The following KIAA1217 variants were observed in gnomAD, a reference collection of about 807,000 sequenced individuals.
KIAA1217 encodes the protein sickle tail protein homolog.
In KIAA1217, 88 loss-of-function variants were observed where a neutral mutation model predicts 163.9. The observed-to-expected ratio is 0.54, with a 90% confidence interval of 0.45 to 0.64. The LOEUF is 0.64. KIAA1217 is among the 30% of genes least tolerant of loss of function. The pLI is 0.00. For missense variants in KIAA1217, 2,372 were observed against 2,475.0 expected (o/e 0.96, Z 0.88); for synonymous variants, 903 against 923.1 (o/e 0.98, Z 0.39).
intron 2 of KIAA1217, among the ~76,000 whole-genome samples, chr10:24,320,435 G>A (rs16924575): frequency 0.03 from 4,551 of 152,230 alleles, 229 homozygotes; most frequent in African/African-American, 0.1. Context: ...TGACTCAAAA[G>A]CATAAAGTTC....
chr10:24,479,940 GC>G (rs999841661), intron 6 of KIAA1217, among the ~76,000 whole-genome samples: 12 of 152,164 alleles, frequency 7.9e-5, no homozygotes, highest in African/African-American at 2.9e-4. Flanking sequence ...TGAGGGATCT[GC>G]CCCCATAACC....
chr10:24,022,926 G>GA (rs5783873), intron 2 of KIAA1217, among the ~76,000 whole-genome samples: 3,985 of 141,502 alleles, frequency 0.028, 113 homozygotes, highest in African/African-American at 0.072. Flanking sequence ...TACTTGATCT[G>GA]AAAAAAAAAA....
chr10:23,848,031 G>A (rs1194040655), intron 1 of KIAA1217, among the ~76,000 whole-genome samples: 1 of 152,146 alleles, frequency 6.6e-6, no homozygotes, highest in Non-Finnish European at 1.5e-5. Flanking sequence ...GCAGTTTTGA[G>A]TGAGTTTCTT....
At chr10:23,915,032 G>A (rs1842581400) in intron 1 of KIAA1217, among the ~76,000 whole-genome samples, 1 of 151,902 alleles carries the variant, frequency 6.6e-6, no homozygotes, top group African/African-American at 2.4e-5. Context: ...GACCCGACCT[G>A]TGACAGAAGA....
At chr10:24,222,504 T>A (rs997881566) in intron 2 of KIAA1217, among the ~76,000 whole-genome samples, 3 of 152,204 alleles carry the variant, frequency 2.0e-5, no homozygotes, top group Non-Finnish European at 4.4e-5. Context: ...GTTTTTGTTT[T>A]TGTTTTTTGA....
chr10:23,916,968 CAAAA>C (rs72049753), intron 1 of KIAA1217, among the ~76,000 whole-genome samples: 2 of 80,060 alleles, frequency 2.5e-5, no homozygotes, highest in Non-Finnish European at 2.6e-5. Flanking sequence ...GAGATTCTCT[CAAAA>C]AAAAAAAAAA....
chr10:24,313,146 G>C (rs1445952976), intron 2 of KIAA1217, among the ~76,000 whole-genome samples: 2 of 152,246 alleles, frequency 1.3e-5, no homozygotes, highest in African/African-American at 4.8e-5. Context: ...TCCTCACCGC[G>C]ATCTCTTCCA....
At chr10:24,497,245 C>G (rs1213504366) in intron 8 of KIAA1217, among the ~76,000 whole-genome samples, 1 of 152,154 alleles carries the variant, frequency 6.6e-6, no homozygotes, top group Non-Finnish European at 1.5e-5. Flanking sequence ...GACTTCCTGG[C>G]TACTTATGGA....
chr10:24,518,542 A>G (rs561831519), intron 10 of KIAA1217, among the ~76,000 whole-genome samples: 64 of 152,342 alleles, frequency 4.2e-4, no homozygotes, highest in African/African-American at 1.5e-3. Flanking sequence ...ACGCACTGAC[A>G]GACATGTTGG....
intron 5 of KIAA1217, among the ~76,000 whole-genome samples, chr10:24,459,469 G>T (rs531425387): frequency 5.3e-5 from 8 of 152,270 alleles, no homozygotes; most frequent in African/African-American, 1.9e-4. Flanking sequence ...AAGTTCTTCA[G>T]AGGTAGAAAT....
chr10:24,122,849 C>T (rs1037908696), intron 2 of KIAA1217, among the ~76,000 whole-genome samples: 10 of 151,794 alleles, frequency 6.6e-5, no homozygotes, highest in African/African-American at 2.2e-4. Context: ...CCCCCATGGT[C>T]ATGCCGATTT....
intron 2 of KIAA1217, among the ~76,000 whole-genome samples, chr10:24,082,889 G>T (rs762892381): frequency 1.7e-4 from 26 of 152,090 alleles, no homozygotes; most frequent in Admixed American, 7.9e-4. Context: ...CTATTTCTCT[G>T]CAACCTCACC....
At chr10:24,493,228 A>G (rs2066371600) in intron 6 of KIAA1217, among the ~76,000 whole-genome samples, 1 of 152,230 alleles carries the variant, frequency 6.6e-6, no homozygotes, top group African/African-American at 2.4e-5. Flanking sequence ...TGTTTGCAGC[A>G]TGGGAATCCC....
intron 2 of KIAA1217, among the ~76,000 whole-genome samples, chr10:24,198,733 C>T (rs147393602): frequency 1.3e-3 from 200 of 152,124 alleles, no homozygotes; most frequent in African/African-American, 4.6e-3. Context: ...AAAGAAAGTG[C>T]GACAAATGTT....
At chr10:23,969,490 G>A (rs1389094063) in intron 1 of KIAA1217, among the ~76,000 whole-genome samples, 2 of 152,194 alleles carry the variant, frequency 1.3e-5, no homozygotes, top group African/African-American at 4.8e-5. Context: ...TCATCCTAGT[G>A]TATGTGAAGT....
upstream of KIAA1217, among the ~76,000 whole-genome samples, chr10:24,206,744 C>T (rs1475061895): frequency 1.3e-5 from 2 of 152,204 alleles, no homozygotes; most frequent in African/African-American, 4.8e-5. Context: ...TCCCCCAATG[C>T]CTTTTTCTGT....
intron 2 of KIAA1217, among the ~76,000 whole-genome samples, chr10:24,290,226 C>T (rs1039286432): frequency 6.6e-6 from 1 of 152,104 alleles, no homozygotes; most frequent in Admixed American, 6.5e-5. Context: ...GGAAGTAGAA[C>T]TCCCAAATCT....
At chr10:23,704,166 G>GTATATATATATA (rs1174988449) in intron 1 of KIAA1217, among the ~76,000 whole-genome samples, 1 of 71,374 alleles carries the variant, frequency 1.4e-5, no homozygotes, top group African/African-American at 8.8e-5. Flanking sequence ...GTGTGTGTGT[G>GTATATATATATA]TGTGTGTATA....
chr10:24,519,452 ACAAT>A (rs2070743423), intron 10 of KIAA1217, among the ~76,000 whole-genome samples: 1 of 152,076 alleles, frequency 6.6e-6, no homozygotes, highest in Non-Finnish European at 1.5e-5. Flanking sequence ...TGTTGATGAG[ACAAT>A]CAGTATAAAC....
Sources: allele counts gnomAD v4.1 joint callset (sites outside exome capture counted in the v4.1 genomes callset), GRCh38; gene constraint gnomAD v4.1.1; transcripts MANE v1.5; gene names NCBI Gene and HGNC (gene_info 2026-07-23, HGNC 2026-07-21).